The following RAP1GAP2 variants were observed in gnomAD, a reference collection of about 807,000 sequenced individuals.
RAP1GAP2 encodes rap1 GTPase-activating protein 2.
RAP1GAP2 carries 27 observed loss-of-function variants against 95.0 expected under a neutral mutation model. The ratio of observed to expected loss-of-function variants is 0.28; its 90% CI spans 0.21 to 0.39. The LOEUF (loss-of-function observed/expected upper bound fraction) is 0.39, where lower values mean the gene tolerates loss of function less well. Among genes scored for constraint, RAP1GAP2 ranks in the 10% least tolerant of loss-of-function variants. The probability of loss-of-function intolerance (pLI) is 1.00; values close to 1 mark genes in which losing one functional copy is unlikely to be tolerated. For missense variants in RAP1GAP2, 771 were observed against 970.0 expected, an observed-to-expected ratio of 0.79 and a Z score of 2.72; for synonymous variants, 373 against 380.9, an observed-to-expected ratio of 0.98 and a Z score of 0.24.
At chr17:2,878,617 T>G (rs2073173396) in intron 2 of RAP1GAP2, among the ~76,000 whole-genome samples, 1 of 152,214 alleles carries the variant, frequency 6.6e-6, no homozygotes, top group Non-Finnish European at 1.5e-5. Context: ...CGCTGGTTCC[T>G]GCTGGTTCAT....
chr17:2,790,023 C>T (rs768361668), intron 1 of RAP1GAP2, among the ~76,000 whole-genome samples: 72 of 151,940 alleles, frequency 4.7e-4, no homozygotes, highest in Non-Finnish European at 9.0e-4. Flanking sequence ...GACCCTGAGG[C>T]GTGAATTCTT....
intron 2 of RAP1GAP2, among the ~76,000 whole-genome samples, chr17:2,818,370 G>C (rs890562621): frequency 4.6e-5 from 7 of 151,212 alleles, no homozygotes; most frequent in African/African-American, 1.7e-4. Flanking sequence ...TGTTGCCCAG[G>C]CTGGAGTGCA....
At chr17:2,791,724 C>G (rs2068929278), upstream of RAP1GAP2, among the ~76,000 whole-genome samples, 1 of 152,162 alleles carries the variant, frequency 6.6e-6, no homozygotes, top group Admixed American at 6.5e-5. Context: ...TGCCCTGGCT[C>G]TCTTGTGCCC....
chr17:2,970,223 G>A (rs535452072), intron 8 of RAP1GAP2, among the ~76,000 whole-genome samples: 50 of 136,054 alleles, frequency 3.7e-4, no homozygotes, highest in East Asian at 2.4e-3. Context: ...GCAGTGAGCC[G>A]ATTTGGCGCC....
intron 2 of RAP1GAP2, among the ~76,000 whole-genome samples, chr17:2,813,033 C>T (rs66777340): frequency 0.42 from 62,442 of 149,244 alleles, 13,552 homozygotes; most frequent in Non-Finnish European, 0.49. Context: ...TACCCAGTTC[C>T]AATTAAATCT....
rs1350899783 is a variant in RAP1GAP2 at position 2,810,030 on chromosome 17, C to T, written c.80+9480C>T. ...CTTGTGCTGGGACCCTCCCCTCCCC[C>T]CGCCCCACCCCAGGAGTTCCTTCCT... On this transcript the variant is annotated intron_variant, in intron 2 of 24. Coordinates refer to ENST00000254695, the MANE Select transcript of RAP1GAP2 (RefSeq NM_015085.5). Among the ~76,000 whole-genome samples the T allele has an allele frequency of 5.4e-5, 8 of 149,068 alleles. No individual in the cohort carries two copies. The East Asian group carries it at 1.2e-3, about 22-fold the overall frequency.
At chr17:2,858,436 A>C (rs116697395) in intron 2 of RAP1GAP2, among the ~76,000 whole-genome samples, 5,812 of 152,254 alleles carry the variant, frequency 0.038, 188 homozygotes, top group African/African-American at 0.091. Context: ...ATTCTCAAGC[A>C]TACACAAAAG....
At chr17:2,780,162 T>C (rs1241594425) in intron 1 of RAP1GAP2, among the ~76,000 whole-genome samples, 1 of 152,198 alleles carries the variant, frequency 6.6e-6, no homozygotes, top group Non-Finnish European at 1.5e-5. Flanking sequence ...GTGATTCTCC[T>C]GTCTCAGCCT....
At chr17:2,939,329 A>G (rs1289555593) in intron 3 of RAP1GAP2, among the ~76,000 whole-genome samples, 1 of 152,194 alleles carries the variant, frequency 6.6e-6, no homozygotes, top group African/African-American at 2.4e-5. Flanking sequence ...ACCTCAGGTG[A>G]TCCACCCGCC....
chr17:2,942,966 A>T (rs958605704), intron 3 of RAP1GAP2, among the ~76,000 whole-genome samples: 3 of 151,986 alleles, frequency 2.0e-5, no homozygotes, highest in African/African-American at 7.3e-5. Context: ...ATGGGGTTTC[A>T]CCATGTTGGT....
intron 2 of RAP1GAP2, among the ~76,000 whole-genome samples, chr17:2,816,471 G>A (rs922905103): frequency 2.0e-5 from 3 of 151,952 alleles, no homozygotes; most frequent in Non-Finnish European, 4.4e-5. Flanking sequence ...CTGAGTAGCT[G>A]GGATCACAGG....
intron 2 of RAP1GAP2, among the ~76,000 whole-genome samples, chr17:2,838,548 G>T (rs1340190484): frequency 1.3e-5 from 2 of 152,140 alleles, no homozygotes; most frequent in African/African-American, 4.8e-5. Flanking sequence ...CGGGATGTGT[G>T]GGGTGATTCT....
At chr17:2,948,047 G>A (rs764368556) in intron 3 of RAP1GAP2, among the ~76,000 whole-genome samples, 13 of 152,178 alleles carry the variant, frequency 8.5e-5, no homozygotes, top group African/African-American at 2.7e-4. Flanking sequence ...GTGTGTCCTG[G>A]ATTGGGGTGG....
Position 2,866,454 on chromosome 17 carries a change from G to A in RAP1GAP2, c.81-38830G>A, listed in dbSNP as rs1054492060. 2.6e-5 allele frequency among the ~76,000 whole-genome samples: 4 copies of A among 152,188 alleles called. No individual in the cohort carries two copies. In the East Asian group the frequency reaches 7.7e-4, roughly 29 times the overall value. ...GAATACAAAAACAGAGTCAGTCAGT[G>A]TTATACATGAAACAATTCTGTAACA... On this transcript the variant is annotated intron_variant, in intron 2 of 24. Transcript: ENST00000254695. The surrounding 1 kb of genome is among the most constrained non-coding windows in gnomAD (Gnocchi z 4.0).
At chr17:2,923,485 C>G (rs1192249299) in intron 3 of RAP1GAP2, among the ~76,000 whole-genome samples, 1 of 151,696 alleles carries the variant, frequency 6.6e-6, no homozygotes, top group African/African-American at 2.4e-5. Flanking sequence ...CATACCACCA[C>G]GCCTGGCTAA....
intron 8 of RAP1GAP2, among the ~76,000 whole-genome samples, chr17:2,979,004 A>G (rs1391160966): frequency 6.8e-6 from 1 of 146,054 alleles, no homozygotes; most frequent in Non-Finnish European, 1.5e-5. Flanking sequence ...AAATAAAAAA[A>G]ATAAAAAAAT....
At chr17:2,978,214 T>G (rs750963712) in intron 8 of RAP1GAP2, among the ~76,000 whole-genome samples, 6 of 152,196 alleles carry the variant, frequency 3.9e-5, no homozygotes, top group Non-Finnish European at 8.8e-5. Flanking sequence ...CTTTCCTTAT[T>G]AAGAACTTTC....
intron 11 of RAP1GAP2, among the ~76,000 whole-genome samples, chr17:2,986,505 C>T (rs2045563171): frequency 6.6e-6 from 1 of 151,662 alleles, no homozygotes; most frequent in Admixed American, 6.6e-5. Context: ...GTTTATGTAC[C>T]TGATGCTGCT....
At chr17:2,854,051 TG>T in intron 2 of RAP1GAP2, 3 of 985,188 alleles carry the variant, frequency 3.0e-6, no homozygotes, top group Non-Finnish European at 3.6e-6. Flanking sequence ...CGCGCCGCCG[TG>T]GTGCTCATCG....
Sources: allele counts gnomAD v4.1 joint callset (sites outside exome capture counted in the v4.1 genomes callset), GRCh38; gene constraint gnomAD v4.1.1; non-coding constraint Gnocchi (gnomAD v3.1); transcripts MANE v1.5; gene names NCBI Gene and HGNC (gene_info 2026-07-23, HGNC 2026-07-21).